The following XKR9 variants were observed in gnomAD, a reference collection of about 807,000 sequenced individuals.
The protein encoded by XKR9 is XK-related protein 9.
In XKR9, 32 loss-of-function variants were observed where a neutral mutation model predicts 32.0. The ratio of observed to expected loss-of-function variants is 1.00; its 90% CI spans 0.76 to 1.34. The LOEUF (loss-of-function observed/expected upper bound fraction) is 1.34. XKR9 is among the 40% of genes most tolerant of loss of function. The pLI, the probability that XKR9 is intolerant of heterozygous loss-of-function variation, is 0.00. For missense variants in XKR9, 546 were observed against 429.7 expected, an observed-to-expected ratio of 1.27 and a Z score of -2.39; for synonymous variants, 168 against 143.4, an observed-to-expected ratio of 1.17 and a Z score of -1.22.
the XKR9 span, among the ~76,000 whole-genome samples, chr8:71,000,719 A>G: frequency 6.6e-6 from 1 of 152,108 alleles, no homozygotes. Flanking sequence ...ACTCTGTCTT[A>G]TTTTTGTGTA....
At chr8:71,043,792 A>G in the XKR9 span, among the ~76,000 whole-genome samples, 3 of 152,124 alleles carry the variant, frequency 2.0e-5, no homozygotes, top group Non-Finnish European at 4.4e-5. Flanking sequence ...TCAATGTCTC[A>G]CAATAAAACA....
chr8:70,966,338 T>A, the XKR9 span, among the ~76,000 whole-genome samples: 1 of 152,170 alleles, frequency 6.6e-6, no homozygotes, highest in Non-Finnish European at 1.5e-5. Flanking sequence ...AACTTCTGCG[T>A]CCTGGGTTCA....
chr8:70,830,828 A>G, the XKR9 span, among the ~76,000 whole-genome samples: 1 of 152,172 alleles, frequency 6.6e-6, no homozygotes, highest in African/African-American at 2.4e-5. Context: ...ACATACAAAT[A>G]ACCAAATCTC....
intron 2 of XKR9, among the ~76,000 whole-genome samples, chr8:70,752,760 T>G (rs13279491): frequency 6.6e-6 from 1 of 151,938 alleles, no homozygotes; most frequent in Non-Finnish European, 1.5e-5. Flanking sequence ...GGGACACATT[T>G]AAAGCAGTGT....
chr8:70,767,496 C>CTTTTTTTTTT (rs34400671), intron 2 of XKR9, among the ~76,000 whole-genome samples: 24 of 99,350 alleles, frequency 2.4e-4, no homozygotes, highest in Admixed American at 3.9e-4. Flanking sequence ...TCTTTTCCTT[C>CTTTTTTTTTT]TTTTTTTTTT....
At chr8:70,903,448 A>T in the XKR9 span, among the ~76,000 whole-genome samples, 1 of 152,046 alleles carries the variant, frequency 6.6e-6, no homozygotes, top group Non-Finnish European at 1.5e-5. Context: ...GTATTCTCTG[A>T]TGGTAGTTTG....
chr8:71,030,322 A>G, the XKR9 span, among the ~76,000 whole-genome samples: 2 of 152,094 alleles, frequency 1.3e-5, no homozygotes, highest in African/African-American at 2.4e-5. Flanking sequence ...CACAGTGTAA[A>G]TTTTCTCATA....
the XKR9 span, among the ~76,000 whole-genome samples, chr8:71,054,784 T>A: frequency 6.6e-6 from 1 of 152,214 alleles, no homozygotes; most frequent in Admixed American, 6.5e-5. Flanking sequence ...TCTTTATTAT[T>A]TTTTGGTGGG....
the XKR9 span, among the ~76,000 whole-genome samples, chr8:70,991,710 A>C: frequency 3.2e-4 from 48 of 152,342 alleles, no homozygotes; most frequent in Admixed American, 1.6e-3. Context: ...TCATAGAACT[A>C]TATGCAGCTC....
At chr8:70,925,825 A>T in the XKR9 span, among the ~76,000 whole-genome samples, 10 of 152,228 alleles carry the variant, frequency 6.6e-5, no homozygotes, top group African/African-American at 2.4e-4. Context: ...AATAACTGGG[A>T]TAGGGCACAG....
the XKR9 span, among the ~76,000 whole-genome samples, chr8:70,831,019 GGT>G: frequency 6.6e-6 from 1 of 152,074 alleles, no homozygotes; most frequent in African/African-American, 2.4e-5. Flanking sequence ...GGCCAGACAT[GGT>G]GGCTCACACC....
At chr8:70,967,065 C>CTTTTTTTTTT in the XKR9 span, among the ~76,000 whole-genome samples, 638 of 101,096 alleles carry the variant, frequency 6.3e-3, 34 homozygotes, top group Middle Eastern at 0.013. Flanking sequence ...GATCTTGACT[C>CTTTTTTTTTT]TTTTTTTTTT....
chr8:70,915,875 A>G, the XKR9 span, among the ~76,000 whole-genome samples: 5 of 152,222 alleles, frequency 3.3e-5, no homozygotes, highest in African/African-American at 1.2e-4. Context: ...ATAAATAGCC[A>G]GGCTTTTCCG....
chr8:70,928,812 G>A, the XKR9 span, among the ~76,000 whole-genome samples: 5 of 152,254 alleles, frequency 3.3e-5, 1 homozygote, highest in South Asian at 1.0e-3. Context: ...CAAAGAGGGT[G>A]TAGGAAGGGT....
chr8:70,799,035 T>C, the XKR9 span, among the ~76,000 whole-genome samples: 1 of 152,020 alleles, frequency 6.6e-6, no homozygotes, highest in African/African-American at 2.4e-5. Context: ...TGTTCAAGCT[T>C]TTTTTTGGTC....
the XKR9 span, among the ~76,000 whole-genome samples, chr8:70,804,227 G>C: frequency 1.3e-5 from 2 of 152,234 alleles, no homozygotes; most frequent in Non-Finnish European, 1.5e-5. Flanking sequence ...GGCTGCAAGT[G>C]GTGGGGGTAG....
the XKR9 span, among the ~76,000 whole-genome samples, chr8:70,800,341 C>T: frequency 2.6e-5 from 4 of 152,158 alleles, no homozygotes; most frequent in South Asian, 8.3e-4. Context: ...TGTTTTGTCT[C>T]TGCCAGGTTT....
At chr8:71,061,769 G>A in the XKR9 span, among the ~76,000 whole-genome samples, 1 of 152,290 alleles carries the variant, frequency 6.6e-6, no homozygotes, top group African/African-American at 2.4e-5. Flanking sequence ...TGGTCTGAGG[G>A]AAGAAGGAAT....
chr8:70,918,768 C>CTTTTTTTTT, the XKR9 span, among the ~76,000 whole-genome samples: 8 of 64,150 alleles, frequency 1.2e-4, 1 homozygote, highest in Non-Finnish European at 1.8e-4. Flanking sequence ...TCATGGGATC[C>CTTTTTTTTT]TTTTTTTTTT....
Sources: allele counts gnomAD v4.1 joint callset (sites outside exome capture counted in the v4.1 genomes callset), GRCh38; gene constraint gnomAD v4.1.1; transcripts MANE v1.5; gene names NCBI Gene and HGNC (gene_info 2026-07-23, HGNC 2026-07-21).